Variants in CLCA1 observed in about 807,000 individuals in gnomAD.
CLCA1 encodes calcium-activated chloride channel regulator 1.
CLCA1 carries 59 observed loss-of-function variants against 85.6 expected under a neutral mutation model. The ratio of observed to expected loss-of-function variants is 0.69; its 90% CI spans 0.56 to 0.86. The LOEUF (loss-of-function observed/expected upper bound fraction) is 0.86. Among genes scored for constraint, CLCA1 ranks in the 40% least tolerant of loss-of-function variants. CLCA1 has a pLI of 0.00. For missense variants in CLCA1, 1,022 were observed against 1,101.4 expected, an observed-to-expected ratio of 0.93 and a Z score of 1.02; for synonymous variants, 396 against 398.3, an observed-to-expected ratio of 0.99 and a Z score of 0.07.
rs1648420409 is a variant in CLCA1 at position 86,500,181 on chromosome 1, T to C, written c.*136T>C. 6 of 592,720 alleles carry C rather than the reference T, an allele frequency of 1.0e-5. No homozygotes were observed. The highest frequency in any genetic ancestry group is 1.5e-5 in the Non-Finnish European group (5 of 335,690). The allele number at this position is 592,720 out of a possible 1,614,324, so 36.7% of individuals were successfully genotyped here. A position where few individuals can be genotyped will look rare whatever the true frequency, so the allele number is the denominator to read the frequency against. ...TATAGTACATTTATACTAAATGTAT[T>C]CCTGTAGGGGGCGATATACTAAATG... On this transcript the variant is annotated 3_prime_UTR_variant, in exon 14 of 14. Coordinates refer to ENST00000394711, the MANE Select transcript of CLCA1 (RefSeq NM_001285.4).
At position 86,494,296 on chromosome 1, in the gene CLCA1, C is replaced by A; in HGVS notation, c.1790C>A (p.Thr597Lys). ...TLPPITVTSKTNKDTSKFPSP... is the reference protein window; with the variant it reads ...TLPPITVTSKKNKDTSKFPSP... ...CCTCCAATTACAGTGACTTCCAAAA[C>A]GAACAAGGACACCAGCAAATTCCCC... The change falls in exon 11 of 14, where the codon ACG (threonine) becomes AAG (lysine). Residue 597 changes from threonine to lysine, a missense_variant. Thr to Lys is a moderately conservative substitution (Grantham distance 78). Coordinates refer to ENST00000394711, the MANE Select transcript of CLCA1 (RefSeq NM_001285.4). 3 of 1,614,120 alleles carry A rather than the reference C, an allele frequency of 1.9e-6. No homozygotes were observed. The highest frequency in any genetic ancestry group is 2.5e-6 in the Non-Finnish European group (3 of 1,180,004).
chr1:86,496,064 T>C (rs1648274852), intron 12 of CLCA1, among the ~76,000 whole-genome samples: 1 of 152,200 alleles, frequency 6.6e-6, no homozygotes, highest in Admixed American at 6.5e-5. Flanking sequence ...AATCTTTTTG[T>C]ACTTCACTCT....
chr1:86,499,697 C>G lies in CLCA1; in HGVS notation c.2397C>G (p.Leu799=), dbSNP rs781070197. Residue 799 remains leucine (L), a synonymous_variant, in exon 14 of 14, where the codon CTC becomes CTG. Coordinates refer to ENST00000394711, the MANE Select transcript of CLCA1 (RefSeq NM_001285.4). The part of the protein sequence containing the change: ...IIRISTSILD[L]RDKFNESLQV... ...GAATAAGTACAAGTATTCTTGATCTCAGAGACAAGTTCAATGAATCTCTTC... is the reference window on the plus strand; with the variant it reads ...GAATAAGTACAAGTATTCTTGATCTGAGAGACAAGTTCAATGAATCTCTTC... 2.5e-6 allele frequency: 4 copies of G among 1,601,958 alleles called. No individual in the cohort carries two copies. In the South Asian group the frequency reaches 4.4e-5, roughly 18 times the overall value.
In CLCA1 at chr1:86,476,534, G is replaced by A; in HGVS notation, c.538G>A (p.Gly180Arg). 1.9e-6 allele frequency: 3 copies of A among 1,558,070 alleles called. No individual in the cohort carries two copies. Among genetic ancestry groups the A allele is most frequent in the Non-Finnish European group, 2.7e-6 (3 of 1,129,276 alleles). The change falls in exon 4 of 14, where the codon GGA (glycine) becomes AGA (arginine). Residue 180 changes from glycine to arginine, a missense_variant. Physicochemically the swap from Gly to Arg is moderately radical, Grantham distance 125. Coordinates refer to ENST00000394711, the MANE Select transcript of CLCA1 (RefSeq NM_001285.4). ...NNDEKFYLSN[G>R]RIQAVRCSAG... ...TGATGAGAAATTCTACTTATCCAATGGAAGAATACAAGCAGTAAGGTATGT... is the reference window on the plus strand; with the variant it reads ...TGATGAGAAATTCTACTTATCCAATAGAAGAATACAAGCAGTAAGGTATGT...
intron 1 of CLCA1, 28 bp downstream of exon 1, chr1:86,469,161 T>C (rs759239138): frequency 2.4e-5 from 37 of 1,532,638 alleles, no homozygotes; most frequent in Non-Finnish European, 3.3e-5. Context: ...ATCCATACTT[T>C]TTTAAAAATA....
At position 86,500,193 on chromosome 1, in the gene CLCA1, C is replaced by A. The variant is rs1648420766; in HGVS notation, c.*148C>A. On this transcript the variant is annotated 3_prime_UTR_variant, in exon 14 of 14. Coordinates refer to ENST00000394711, the MANE Select transcript of CLCA1 (RefSeq NM_001285.4). ...ATACTAAATGTATTCCTGTAGGGGG[C>A]GATATACTAAATGTATTTTAGACTT... The A allele has an allele frequency of 1.8e-6, 1 of 548,890 alleles. No individual in the cohort carries two copies. The highest frequency in any genetic ancestry group is 3.2e-6 in the Non-Finnish European group (1 of 309,422). 34.0% of individuals were successfully genotyped at this position (548,890 alleles called of 1,614,324 possible). A position where few individuals can be genotyped will look rare whatever the true frequency, so the allele number is the denominator to read the frequency against.
At chr1:86,476,577 G>C in intron 4 of CLCA1, 24 bp downstream of exon 4, 4 of 1,192,314 alleles carry the variant, frequency 3.4e-6, no homozygotes, top group South Asian at 2.6e-5. Flanking sequence ...GATTTAACTT[G>C]TTCCAAACTA....
chr1:86,478,158 G>C (rs1265495675), intron 4 of CLCA1, among the ~76,000 whole-genome samples: 1 of 152,118 alleles, frequency 6.6e-6, no homozygotes, highest in African/African-American at 2.4e-5. Flanking sequence ...GCCGGGCATG[G>C]TGGCTCACAT....
intron 5 of CLCA1, among the ~76,000 whole-genome samples, chr1:86,484,068 T>G (rs560145729): frequency 7.2e-5 from 11 of 152,240 alleles, no homozygotes; most frequent in African/African-American, 2.6e-4. Context: ...AAGAACAGCA[T>G]GGAGGAAACC....
rs569922132 is a variant in CLCA1 at position 86,469,091 on chromosome 1, C to T, written c.120C>T (p.Asp40=). ...NGYEGIVVAI[D]PNVPEDETLI... ...ATGAAGGCATTGTCGTTGCAATCGA[C>T]CCCAATGTGCCAGAAGATGAAACAC... The change falls in exon 1 of 14, where the codon GAC becomes GAT. Residue 40 remains aspartate (D), a synonymous_variant. Coordinates refer to ENST00000394711, the MANE Select transcript of CLCA1 (RefSeq NM_001285.4). The T allele has an allele frequency of 1.9e-6, 3 of 1,610,860 alleles. No individual in the cohort carries two copies. The African/African-American group carries it at 4.0e-5, about 22-fold the overall frequency.
At position 86,500,033 on chromosome 1, in the gene CLCA1, G is replaced by T; in HGVS notation, c.2733G>T (p.Leu911=). ...IMWKWIGELQ[L]SIA ...GGAAGTGGATAGGAGAACTGCAGCTGTCAATAGCCTAGGGCTGAATTTTTG... is the reference window on the plus strand; with the variant it reads ...GGAAGTGGATAGGAGAACTGCAGCTTTCAATAGCCTAGGGCTGAATTTTTG... Residue 911 remains leucine, a synonymous_variant, in exon 14 of 14, where the codon CTG becomes CTT. Transcript: ENST00000394711. 6.2e-7 allele frequency: 1 copy of T among 1,607,716 alleles called. No individual in the cohort carries two copies. Among genetic ancestry groups the T allele is most frequent in the Non-Finnish European group, 8.5e-7 (1 of 1,174,614 alleles).
chr1:86,498,200 A>AAGGAAGGAAGGAAGGAAGGAAGGAAGGG (rs1553188780), intron 12 of CLCA1, among the ~76,000 whole-genome samples: 2 of 150,656 alleles, frequency 1.3e-5, no homozygotes, highest in African/African-American at 2.5e-5. Flanking sequence ...GGAAGGAAGG[A>AAGGAAGGAAGGAAGGAAGGAAGGAAGGG]AGGAAGGAAA....
chr1:86,469,733 TTGAAGAAGGTCTTGTACAACA>T, intron 1 of CLCA1, among the ~76,000 whole-genome samples: 1 of 152,270 alleles, frequency 6.6e-6, no homozygotes, highest in East Asian at 1.9e-4. Context: ...ATCTATACCA[TTGAAGAAGGTCTTGTACAACA>T]ACAAACAGCT....
At chr1:86,477,563 A>T (rs1287864551) in intron 4 of CLCA1, among the ~76,000 whole-genome samples, 1 of 152,238 alleles carries the variant, frequency 6.6e-6, no homozygotes, top group African/African-American at 2.4e-5. Flanking sequence ...TACAACTCAG[A>T]TACTAAAACC....
chr1:86,471,182 GTC>G (rs5744308), intron 1 of CLCA1, among the ~76,000 whole-genome samples: 37,129 of 152,136 alleles, frequency 0.24, 5,543 homozygotes, highest in Non-Finnish European at 0.33. Context: ...TTATTTTGGA[GTC>G]TCTGCAATGC....
intron 4 of CLCA1, among the ~76,000 whole-genome samples, chr1:86,480,970 AG>A (rs1243855010): frequency 2.6e-5 from 4 of 152,200 alleles, no homozygotes. Flanking sequence ...AATCAATCAC[AG>A]GGCAAACTTG....
chr1:86,494,865 T>A, intron 11 of CLCA1, among the ~76,000 whole-genome samples: 1 of 152,208 alleles, frequency 6.6e-6, no homozygotes, highest in Non-Finnish European at 1.5e-5. Flanking sequence ...TATAATATCT[T>A]CACTGAGGCT....
intron 6 of CLCA1, among the ~76,000 whole-genome samples, chr1:86,486,241 G>GT (rs1558140647): frequency 6.6e-6 from 1 of 152,150 alleles, no homozygotes; most frequent in East Asian, 1.9e-4. Context: ...GAGCCAAACC[G>GT]TATCACCTGA....
chr1:86,469,226 G>A (rs962510287), intron 1 of CLCA1, 93 bp downstream of exon 1: 27 of 788,420 alleles, frequency 3.4e-5, no homozygotes, highest in African/African-American at 5.3e-5. Flanking sequence ...GCACGACACT[G>A]GCATGTATTT....
Sources: allele counts gnomAD v4.1 joint callset (sites outside exome capture counted in the v4.1 genomes callset), GRCh38; gene constraint gnomAD v4.1.1; transcripts MANE v1.5; gene names NCBI Gene and HGNC (gene_info 2026-07-23, HGNC 2026-07-21).